Variants in MAMDC2 observed in about 807,000 individuals in gnomAD.
The protein encoded by MAMDC2 is MAM domain containing 2.
MAMDC2 carries 57 observed loss-of-function variants against 89.8 expected under a neutral mutation model. The observed-to-expected ratio is 0.63, with a 90% CI of 0.51 to 0.79. The LOEUF is 0.79. Among genes scored for constraint, MAMDC2 ranks in the 30% least tolerant of loss-of-function variants. MAMDC2 has a pLI of 0.00. For missense variants in MAMDC2, 800 were observed against 820.6 expected (o/e 0.97, Z 0.31); for synonymous variants, 313 against 293.4 (o/e 1.07, Z -0.68).
intron 2 of MAMDC2, among the ~76,000 whole-genome samples, chr9:70,077,216 A>G (rs1827551263): frequency 6.6e-6 from 1 of 152,242 alleles, no homozygotes; most frequent in Non-Finnish European, 1.5e-5. Context: ...CTGAAAAAGT[A>G]TAAATTGATC....
intron 5 of MAMDC2, among the ~76,000 whole-genome samples, chr9:70,120,115 CT>C (rs1328736634): frequency 6.6e-6 from 1 of 152,174 alleles, no homozygotes; most frequent in Non-Finnish European, 1.5e-5. Context: ...GCCCAGCTGC[CT>C]TCTAAATTGC....
At chr9:70,130,545 T>C (rs2030760654) in intron 6 of MAMDC2, among the ~76,000 whole-genome samples, 2 of 152,124 alleles carry the variant, frequency 1.3e-5, no homozygotes, top group South Asian at 4.1e-4. Context: ...CAGAAGGTGG[T>C]TGACTGAGCT....
rs141941408 is a variant in MAMDC2, at chr9:70,211,809, G to T, written c.1652-6528G>T. ...GGTAACGTACAGATGGGGTTTTGGTGTGGATGTCCTTTCTGTTCATTAGTT... is the reference window on the plus strand; with the variant it reads ...GGTAACGTACAGATGGGGTTTTGGTTTGGATGTCCTTTCTGTTCATTAGTT... On this transcript the variant is annotated intron_variant, in intron 11 of 13. Transcript: ENST00000377182. Among the ~76,000 whole-genome samples the T allele has an allele frequency of 1.6e-3, 247 of 152,286 alleles. 1 individual carries two copies. The highest frequency in any genetic ancestry group is 5.7e-3 in the African/African-American group (236 of 41,586).
intron 11 of MAMDC2, among the ~76,000 whole-genome samples, chr9:70,204,790 C>T (rs1013375311): frequency 7.9e-5 from 12 of 152,282 alleles, no homozygotes; most frequent in African/African-American, 2.6e-4. Context: ...CTGAAAAGAG[C>T]AATATTCGGG....
intron 2 of MAMDC2, among the ~76,000 whole-genome samples, chr9:70,069,775 AAG>A (rs1827360651): frequency 6.6e-6 from 1 of 152,206 alleles, no homozygotes; most frequent in Admixed American, 6.5e-5. Flanking sequence ...CTTGCTCCTG[AAG>A]AGTTACAGGA....
intron 2 of MAMDC2, among the ~76,000 whole-genome samples, chr9:70,097,267 CT>C (rs764861170): frequency 3.0e-4 from 45 of 152,064 alleles, no homozygotes; most frequent in Non-Finnish European, 4.9e-4. Context: ...CAAGCTTTGT[CT>C]TTATTTGTGA....
At chr9:70,135,624 C>A (rs1258150583) in intron 7 of MAMDC2, among the ~76,000 whole-genome samples, 2 of 152,028 alleles carry the variant, frequency 1.3e-5, no homozygotes, top group African/African-American at 2.4e-5. Context: ...TACTTTTAAG[C>A]TTTTTTTGAT....
intron 11 of MAMDC2, among the ~76,000 whole-genome samples, chr9:70,195,314 A>G (rs1185863173): frequency 6.6e-6 from 1 of 152,112 alleles, no homozygotes; most frequent in Non-Finnish European, 1.5e-5. Flanking sequence ...TACGTGTAAC[A>G]GATGGATAGT....
chr9:70,110,196 G>A (rs573530668), intron 4 of MAMDC2, among the ~76,000 whole-genome samples: 3 of 152,254 alleles, frequency 2.0e-5, no homozygotes, highest in South Asian at 2.1e-4. Context: ...GGCACACCAC[G>A]GCTCTCCTCT....
chr9:70,143,646 T>C lies in MAMDC2; in HGVS notation c.1231T>C (p.Cys411Arg). The change falls in exon 9 of 14, where the codon TGT (cysteine) becomes CGT (arginine). Residue 411 changes from cysteine to arginine, a missense_variant. By Grantham distance (180) the Cys-to-Arg change is radical (BLOSUM62 -3). Transcript: ENST00000377182. Reference sequence around the variant, plus strand: ...CTCCCTACCAGGAAACTTGCAGTATTGTCTGCGTTTTCATTATGCCATCTA... The same window carrying C: ...CTCCCTACCAGGAAACTTGCAGTATCGTCTGCGTTTTCATTATGCCATCTA... Reference protein sequence around the residue: ...GPSLPGNLQYCLRFHYAIYGF... With the variant: ...GPSLPGNLQYRLRFHYAIYGF... 1 of 1,614,196 alleles carries C rather than the reference T, an allele frequency of 6.2e-7. No homozygotes were observed. The highest frequency in any genetic ancestry group is 8.5e-7 in the Non-Finnish European group (1 of 1,180,024).
chr9:70,140,316 A>G (rs1045023109), intron 8 of MAMDC2, 28 bp downstream of exon 8: 5 of 1,555,674 alleles, frequency 3.2e-6, no homozygotes, highest in Middle Eastern at 1.7e-4. Flanking sequence ...CTATGTGGGG[A>G]CATCTTGGGT....
chr9:70,217,668 A>C lies in MAMDC2; in HGVS notation c.1652-669A>C, dbSNP rs2033475071. 3 of 1,571,048 alleles carry C rather than the reference A, an allele frequency of 1.9e-6. No homozygotes were observed. In the Admixed American group the frequency reaches 5.0e-5, roughly 26 times the overall value. The stretch of plus-strand genomic sequence containing the variant: ...CTCCCCAAGTTGGTGGAAAACGCTA[A>C]ACTGGCAGATTAGATTTTTAAATAA... On this transcript the variant is annotated intron_variant, in intron 11 of 13. Transcript: ENST00000377182.
chr9:70,061,935 A>T (rs796411181), intron 2 of MAMDC2, among the ~76,000 whole-genome samples: 44 of 152,324 alleles, frequency 2.9e-4, no homozygotes, highest in African/African-American at 1.1e-3. Flanking sequence ...CCTGTTGTCC[A>T]TCTGACCATG....
chr9:70,188,930 A>T (rs2118596753), intron 11 of MAMDC2, among the ~76,000 whole-genome samples: 1 of 152,046 alleles, frequency 6.6e-6, no homozygotes, highest in African/African-American at 2.4e-5. Context: ...ACTTAAGATA[A>T]TCTAGTTCAT....
At chr9:70,167,649 GT>G (rs748954328) in intron 9 of MAMDC2, among the ~76,000 whole-genome samples, 1 of 152,206 alleles carries the variant, frequency 6.6e-6, no homozygotes, top group Non-Finnish European at 1.5e-5. Flanking sequence ...TAATACAAAT[GT>G]TTTTAAAAGG....
chr9:70,064,878 G>A (rs1252334747), intron 2 of MAMDC2, among the ~76,000 whole-genome samples: 2 of 152,102 alleles, frequency 1.3e-5, no homozygotes, highest in African/African-American at 4.8e-5. Context: ...AAGAAACCTG[G>A]GTTAGTAGTT....
At chr9:70,075,363 C>G (rs756080349) in intron 2 of MAMDC2, among the ~76,000 whole-genome samples, 3 of 152,198 alleles carry the variant, frequency 2.0e-5, no homozygotes, top group Non-Finnish European at 2.9e-5. Flanking sequence ...CATGAAATCA[C>G]CTGCACCAGA....
intron 2 of MAMDC2, among the ~76,000 whole-genome samples, chr9:70,100,483 G>A (rs1828158663): frequency 6.6e-6 from 1 of 152,188 alleles, no homozygotes; most frequent in Non-Finnish European, 1.5e-5. Context: ...GCCCTGGGAA[G>A]GAAGCTGCCA....
intron 7 of MAMDC2, among the ~76,000 whole-genome samples, chr9:70,136,018 G>A (rs1020829613): frequency 6.6e-6 from 1 of 152,068 alleles, no homozygotes; most frequent in African/African-American, 2.4e-5. Context: ...AGGCATGGTG[G>A]TGCATGCCTA....
Sources: gnomAD v4.1 joint callset for allele counts (sites outside exome capture counted in the v4.1 genomes callset) on GRCh38, gnomAD v4.1.1 for gene constraint, MANE v1.5 for transcripts, NCBI Gene and HGNC (gene_info 2026-07-23, HGNC 2026-07-21) for gene names.